The following RTN3 variants were observed in gnomAD, a reference collection of about 807,000 sequenced individuals.
The protein encoded by RTN3 is reticulon 3.
A neutral mutation model predicts 77.8 loss-of-function variants in RTN3; 49 were observed. The ratio of observed to expected loss-of-function variants is 0.63; its 90% CI spans 0.50 to 0.80. The LOEUF is 0.80. RTN3 is among the 30% of genes least tolerant of loss of function. RTN3 has a pLI of 0.00. For synonymous variants in RTN3, 464 were observed against 446.9 expected (o/e 1.04, Z -0.48); for missense variants, 1,236 against 1,211.9 (o/e 1.02, Z -0.29).
chr11:63,695,437 C>T (rs1384233473), intron 1 of RTN3, among the ~76,000 whole-genome samples: 2 of 152,168 alleles, frequency 1.3e-5, no homozygotes, highest in East Asian at 3.9e-4. Flanking sequence ...TTAACTCCTC[C>T]ACCACTTAGG....
At chr11:63,750,556 G>A (rs1277943233) in intron 4 of RTN3, 3 of 209,302 alleles carry the variant, frequency 1.4e-5, no homozygotes, top group Middle Eastern at 2.0e-3. Context: ...AGGTGAAAGC[G>A]ATTCTCCTGC....
intron 1 of RTN3, among the ~76,000 whole-genome samples, chr11:63,693,860 G>A (rs140552282): frequency 7.0e-4 from 107 of 152,322 alleles, no homozygotes; most frequent in Middle Eastern, 6.8e-3. Flanking sequence ...AGTGGCTCAT[G>A]CCTGTAATCT....
intron 3 of RTN3, among the ~76,000 whole-genome samples, chr11:63,726,454 AT>A (rs1171647510): frequency 6.6e-6 from 1 of 152,210 alleles, no homozygotes; most frequent in African/African-American, 2.4e-5. Context: ...GAAGGGAGAG[AT>A]CCAGAGAGTG....
chr11:63,738,188 C>CT (rs2013254813), intron 3 of RTN3, among the ~76,000 whole-genome samples: 2 of 152,298 alleles, frequency 1.3e-5, no homozygotes, highest in Admixed American at 1.3e-4. Flanking sequence ...ACTGTTTCCC[C>CT]TTTATTAACA....
chr11:63,749,949 G>A (rs771298758), intron 3 of RTN3, 42 bp from the exon 4 acceptor site: 4 of 1,415,878 alleles, frequency 2.8e-6, no homozygotes, highest in Non-Finnish European at 4.0e-6. Flanking sequence ...CATAGTAGCT[G>A]TGGATGTTTC....
chr11:63,685,023 G>A (rs1941291659), intron 1 of RTN3, among the ~76,000 whole-genome samples: 1 of 152,024 alleles, frequency 6.6e-6, no homozygotes, highest in Non-Finnish European at 1.5e-5. Context: ...GCCTCCCAAG[G>A]TGTTGGGATT....
In RTN3 at chr11:63,747,914, C is replaced by G. The variant is rs184041051; in HGVS notation, c.2531-2077C>G. Among the ~76,000 whole-genome samples, 8 of 152,154 alleles carry G rather than the reference C, an allele frequency of 5.3e-5. 1 individual carries two copies. Among genetic ancestry groups the G allele is most frequent in the Non-Finnish European group, 1.2e-4 (8 of 68,032 alleles). On this transcript the variant is annotated intron_variant, in intron 3 of 8. Coordinates refer to ENST00000377819, the MANE Select transcript of RTN3 (RefSeq NM_001265589.2). ...AAATTACCAGGACTTAAACTCATGTCTCTCCAACTCCAAAGCCCTTGCTCT... is the reference window on the plus strand; with the variant it reads ...AAATTACCAGGACTTAAACTCATGTGTCTCCAACTCCAAAGCCCTTGCTCT...
At chr11:63,735,550 T>TCTCTC (rs2013032879) in intron 3 of RTN3, among the ~76,000 whole-genome samples, 3 of 42,686 alleles carry the variant, frequency 7.0e-5, no homozygotes, top group Admixed American at 3.7e-4. Flanking sequence ...ATTCTAACAT[T>TCTCTC]TCTCTCTCTC....
At chr11:63,714,702 A>G (rs1180599118) in intron 2 of RTN3, among the ~76,000 whole-genome samples, 1 of 151,618 alleles carries the variant, frequency 6.6e-6, no homozygotes, top group South Asian at 2.1e-4. Context: ...TTGTAGGGGC[A>G]GGATCTCAGC....
At chr11:63,696,704 C>A (rs1169938245) in intron 1 of RTN3, among the ~76,000 whole-genome samples, 2 of 150,290 alleles carry the variant, frequency 1.3e-5, no homozygotes, top group African/African-American at 4.9e-5. Flanking sequence ...TGCCTCCACA[C>A]CCAGCTAATT....
chr11:63,704,217 G>A (rs1942385092), intron 1 of RTN3, among the ~76,000 whole-genome samples: 1 of 151,778 alleles, frequency 6.6e-6, no homozygotes, highest in South Asian at 2.1e-4. Flanking sequence ...TGGCCAGGCT[G>A]GTTTCGAACT....
At chr11:63,753,742 A>T (rs1305217834) in intron 7 of RTN3, 34 bp downstream of exon 7, 1 of 1,581,954 alleles carries the variant, frequency 6.3e-7, no homozygotes, top group Admixed American at 1.7e-5. Context: ...CAAATGTGCC[A>T]GTTGATGTAT....
At position 63,685,012 on chromosome 11, in the gene RTN3, G is replaced by A. The variant is rs192520426; in HGVS notation, c.142+3234G>A. On this transcript the variant is annotated intron_variant, in intron 1 of 8. Transcript: ENST00000377819. ...TGACCTCAAGTGATCCGCCCACCTCGGCCTCCCAAGGTGTTGGGATTACAG... is the reference window on the plus strand; with the variant it reads ...TGACCTCAAGTGATCCGCCCACCTCAGCCTCCCAAGGTGTTGGGATTACAG... 7.5e-3 allele frequency among the ~76,000 whole-genome samples: 1,140 copies of A among 152,036 alleles called. 51 individuals are homozygous for A. The highest frequency in any genetic ancestry group is 0.068 in the Admixed American group (1,032 of 15,280).
At position 63,720,933 on chromosome 11, in the gene RTN3, A is replaced by G; in HGVS notation, c.2431A>G (p.Thr811Ala). The stretch of plus-strand genomic sequence containing the variant: ...TCTTGGGATTTCCCAGAAGCCCATC[A>G]CTATCAGAGAAACTACTAGGGTAGA... ...SDLGISQKPI[T>A]IRETTRVDAV... The change falls in exon 3 of 9, where the codon ACT becomes GCT. Residue 811 changes from threonine (T) to alanine (A), a missense_variant. Physicochemically the swap from Thr to Ala is moderately conservative, Grantham distance 58 (BLOSUM62 0). Coordinates refer to ENST00000377819, the MANE Select transcript of RTN3 (RefSeq NM_001265589.2). The G allele has an allele frequency of 1.9e-6, 3 of 1,614,096 alleles. No homozygotes were observed. Among genetic ancestry groups the G allele is most frequent in the South Asian group, 1.1e-5 (1 of 91,080 alleles).
At position 63,758,265 on chromosome 11, in the gene RTN3, T is replaced by A. The variant is rs146447613; in HGVS notation, c.*64T>A. ...CATTTAATAGTTATAACGTCGTTAC[T>A]TGTACTATGAAGGAAAATACTCAGT... On this transcript the variant is annotated 3_prime_UTR_variant, in exon 9 of 9. Transcript: ENST00000377819. The A allele has an allele frequency of 6.2e-7, 1 of 1,613,794 alleles. No individual in the cohort carries two copies. The highest frequency in any genetic ancestry group is 8.5e-7 in the Non-Finnish European group (1 of 1,179,856).
At chr11:63,725,695 G>A (rs556580388) in intron 3 of RTN3, among the ~76,000 whole-genome samples, 18 of 152,112 alleles carry the variant, frequency 1.2e-4, no homozygotes, top group East Asian at 9.7e-4. Context: ...CTCGTGATCC[G>A]CCCGCCTCGG....
Position 63,720,119 on chromosome 11 carries a change from C to A in RTN3, c.1617C>A (p.Ile539=). The change falls in exon 3 of 9, where the codon ATC becomes ATA. Residue 539 remains isoleucine (I), a synonymous_variant. Transcript: ENST00000377819. ...TTGTAAAAACAGGTGAAAGAGAAAT[C>A]AAAGAGATTCCCAGTTGTGAGAGAG... ...SAVVKTGERE[I]KEIPSCEREE... 6.2e-7 allele frequency: 1 copy of A among 1,613,148 alleles called. No individual in the cohort carries two copies. The highest frequency in any genetic ancestry group is 1.1e-5 in the South Asian group (1 of 90,784).
Position 63,733,403 on chromosome 11 carries a change from C to T in RTN3, c.2530+12371C>T, listed in dbSNP as rs1266054825. On this transcript the variant is annotated intron_variant, in intron 3 of 8. Transcript: ENST00000377819. The stretch of plus-strand genomic sequence containing the variant: ...ACTTGGGAGGCTGAGGCAGGAGAAT[C>T]GCTTGAACTCAGGAGGTGGAGGTTG... Among the ~76,000 whole-genome samples the T allele has an allele frequency of 4.0e-5, 6 of 151,524 alleles. No homozygotes were observed. In the East Asian group the frequency reaches 5.8e-4, roughly 15 times the overall value.
In RTN3 at chr11:63,720,137, T is replaced by C. The variant is rs2011649379; in HGVS notation, c.1635T>C (p.Cys545=). The part of the protein sequence containing the change: ...GEREIKEIPS[C]EREEKTSKNF... The stretch of plus-strand genomic sequence containing the variant: ...GAGAAATCAAAGAGATTCCCAGTTG[T>C]GAGAGAGAAGAAAAAACATCTAAAA... Residue 545 remains cysteine, a synonymous_variant, in exon 3 of 9, where the codon TGT becomes TGC. Transcript: ENST00000377819. The C allele has an allele frequency of 6.2e-7, 1 of 1,613,606 alleles. No homozygotes were observed. The highest frequency in any genetic ancestry group is 1.3e-5 in the African/African-American group (1 of 74,860).
Sources: allele counts gnomAD v4.1 joint callset (sites outside exome capture counted in the v4.1 genomes callset), GRCh38; gene constraint gnomAD v4.1.1; transcripts MANE v1.5; gene names NCBI Gene and HGNC (gene_info 2026-07-23, HGNC 2026-07-21).